Variants in STK32B observed in about 807,000 individuals in gnomAD.
STK32B encodes the protein serine/threonine-protein kinase 32B.
In STK32B, 43 loss-of-function variants were observed where a neutral mutation model predicts 52.6. That is an observed-to-expected ratio of 0.82 (90% CI 0.64 to 1.05). STK32B has a LOEUF of 1.05. Among genes scored for constraint, STK32B ranks in the 50% least tolerant of loss-of-function variants. The pLI is 0.00. For missense variants in STK32B, 621 were observed against 534.6 expected (o/e 1.16, Z -1.59); for synonymous variants, 238 against 204.3 (o/e 1.17, Z -1.41).
intron 4 of STK32B, among the ~76,000 whole-genome samples, chr4:5,355,230 T>C (rs183373481): frequency 1.3e-5 from 2 of 152,160 alleles, no homozygotes; most frequent in Non-Finnish European, 2.9e-5. Context: ...TAGTGAGTGA[T>C]CAAAAATGTG....
At chr4:5,416,783 C>G (rs896237265) in intron 5 of STK32B, 62 bp from the exon 6 acceptor site, 1 of 1,482,486 alleles carries the variant, frequency 6.7e-7, no homozygotes, top group African/African-American at 1.4e-5. Context: ...CAAACCACAG[C>G]TTTAAATAAC....
At chr4:5,237,364 C>T (rs891985015) in intron 3 of STK32B, among the ~76,000 whole-genome samples, 2 of 152,168 alleles carry the variant, frequency 1.3e-5, no homozygotes, top group African/African-American at 4.8e-5. Context: ...CGAAAATGCT[C>T]AGTGAACAAG....
chr4:5,400,416 A>G lies in STK32B; in HGVS notation c.472+2172A>G, dbSNP rs73211175. 2.5e-4 allele frequency among the ~76,000 whole-genome samples: 38 copies of G among 151,912 alleles called. No individual in the cohort carries two copies. Among genetic ancestry groups the G allele is most frequent in the Non-Finnish European group, 5.6e-4 (38 of 67,974 alleles). ...TTTCCACCCCCTGCTTGGCCTTCAC[A>G]GTGTCCCAGCCCTGCCTTCTGGCTA... is the stretch of plus-strand genomic sequence containing the variant. On this transcript the variant is annotated intron_variant, in intron 5 of 11. Coordinates refer to ENST00000282908, the MANE Select transcript of STK32B (RefSeq NM_018401.3). This position sits in a 1 kb window ranked among gnomAD's most constrained non-coding sequence, Gnocchi z 6.1.
intron 3 of STK32B, among the ~76,000 whole-genome samples, chr4:5,189,781 A>G (rs1489963607): frequency 2.6e-5 from 4 of 152,082 alleles, no homozygotes; most frequent in African/African-American, 9.7e-5. Flanking sequence ...CCAGGGAGGA[A>G]TGAGAGTTCC....
intron 3 of STK32B, among the ~76,000 whole-genome samples, chr4:5,306,581 T>A (rs1347781062): frequency 6.6e-6 from 1 of 152,122 alleles, no homozygotes; most frequent in Non-Finnish European, 1.5e-5. Context: ...GGTTGGTGAG[T>A]TCTTATCTAT....
intron 11 of STK32B, among the ~76,000 whole-genome samples, chr4:5,474,191 G>A (rs1718056338): frequency 6.6e-6 from 1 of 152,168 alleles, no homozygotes; most frequent in Non-Finnish European, 1.5e-5. Context: ...GGCCTTGGAG[G>A]ATCCCAGCAA....
intron 3 of STK32B, among the ~76,000 whole-genome samples, chr4:5,173,293 C>G (rs1305736879): frequency 4.6e-5 from 7 of 152,074 alleles, no homozygotes; most frequent in Admixed American, 2.6e-4. Flanking sequence ...TTTTTTGTGT[C>G]TCTATTTCCT....
intron 3 of STK32B, among the ~76,000 whole-genome samples, chr4:5,238,633 C>T (rs751990315): frequency 9.2e-5 from 14 of 152,152 alleles, no homozygotes; most frequent in African/African-American, 2.4e-4. Flanking sequence ...TGTATCTTTT[C>T]GGGCTTAAAT....
chr4:5,454,487 C>T (rs3774824), intron 7 of STK32B, among the ~76,000 whole-genome samples: 22,659 of 151,880 alleles, frequency 0.15, 1,901 homozygotes, highest in South Asian at 0.28. Context: ...ACTCAGGTCA[C>T]GTAGAATTAG....
chr4:5,388,551 C>T (rs1440546756), intron 4 of STK32B, among the ~76,000 whole-genome samples: 1 of 152,178 alleles, frequency 6.6e-6, no homozygotes, highest in African/African-American at 2.4e-5. Flanking sequence ...GCTCTCCACA[C>T]CCTTCTATTG....
intron 3 of STK32B, among the ~76,000 whole-genome samples, chr4:5,265,482 A>G (rs1170142428): frequency 6.6e-6 from 1 of 152,130 alleles, no homozygotes; most frequent in Non-Finnish European, 1.5e-5. Context: ...ATCCACCTCC[A>G]GTTGGAAGCA....
intron 2 of STK32B, among the ~76,000 whole-genome samples, chr4:5,155,015 C>T (rs1291531252): frequency 6.6e-6 from 1 of 152,216 alleles, no homozygotes; most frequent in African/African-American, 2.4e-5. Context: ...ACTCTGCTTT[C>T]TATCCTCTCT....
At chr4:5,371,980 G>A (rs1735275470) in intron 4 of STK32B, among the ~76,000 whole-genome samples, 1 of 152,188 alleles carries the variant, frequency 6.6e-6, no homozygotes, top group South Asian at 2.1e-4. Context: ...ATGTCCTTCT[G>A]GGCACAAGCC....
At chr4:5,213,605 A>G (rs1052326890) in intron 3 of STK32B, among the ~76,000 whole-genome samples, 2 of 152,250 alleles carry the variant, frequency 1.3e-5, no homozygotes, top group Non-Finnish European at 2.9e-5. Context: ...TGGATTTCTT[A>G]TATGCACCTT....
At chr4:5,191,256 C>T (rs1577167148) in intron 3 of STK32B, among the ~76,000 whole-genome samples, 1 of 146,178 alleles carries the variant, frequency 6.8e-6, no homozygotes, top group African/African-American at 2.5e-5. Flanking sequence ...TCCTGCATTC[C>T]TTTTTTTTTT....
intron 4 of STK32B, among the ~76,000 whole-genome samples, chr4:5,384,827 G>C (rs1173834379): frequency 6.6e-6 from 1 of 152,184 alleles, no homozygotes; most frequent in Non-Finnish European, 1.5e-5. Flanking sequence ...GACGATTCCA[G>C]AGTGGGATGT....
intron 6 of STK32B, among the ~76,000 whole-genome samples, chr4:5,420,484 C>G (rs1321827930): frequency 6.6e-6 from 1 of 152,126 alleles, no homozygotes; most frequent in Non-Finnish European, 1.5e-5. Context: ...TCTCGGGTCT[C>G]TGGATTGTGC....
chr4:5,447,584 C>A (rs1715577497), intron 7 of STK32B, among the ~76,000 whole-genome samples: 1 of 152,174 alleles, frequency 6.6e-6, no homozygotes, highest in South Asian at 2.1e-4. Flanking sequence ...TGCAGTGAGC[C>A]ATGATGGCAC....
chr4:5,049,433 C>G (rs909089920), upstream of STK32B, among the ~76,000 whole-genome samples: 2 of 152,036 alleles, frequency 1.3e-5, no homozygotes, highest in Non-Finnish European at 2.9e-5. Flanking sequence ...TCAGTGCAGG[C>G]GGGCTGAGTC....
Sources: gnomAD v4.1 joint callset for allele counts (sites outside exome capture counted in the v4.1 genomes callset) on GRCh38, gnomAD v4.1.1 for gene constraint, Gnocchi (gnomAD v3.1) non-coding constraint, MANE v1.5 for transcripts, NCBI Gene and HGNC (gene_info 2026-07-23, HGNC 2026-07-21) for gene names.